Variants in AOPEP observed in about 807,000 individuals in gnomAD.
AOPEP encodes the protein aminopeptidase O.
Under a neutral mutation model 98.1 loss-of-function variants are expected in AOPEP, and 77 were observed. The observed-to-expected ratio is 0.78, with a 90% CI of 0.65 to 0.95. The LOEUF is 0.95. Ranked by LOEUF, AOPEP falls within the 40% of genes least tolerant of loss-of-function variation. The probability of loss-of-function intolerance (pLI) is 0.00; values close to 1 mark genes in which losing one functional copy is unlikely to be tolerated. For synonymous variants in AOPEP, 346 were observed against 365.3 expected, an observed-to-expected ratio of 0.95 and a Z score of 0.60; for missense variants, 1,024 against 1,024.7, an observed-to-expected ratio of 1.00 and a Z score of 0.01.
chr9:95,111,989 A>G, the AOPEP span, among the ~76,000 whole-genome samples: 1 of 152,162 alleles, frequency 6.6e-6, no homozygotes, highest in Admixed American at 6.6e-5. Flanking sequence ...GCCTTCTGAG[A>G]TGGGGAGAAA....
At chr9:94,742,077 A>G (rs1463460032) in intron 1 of AOPEP, among the ~76,000 whole-genome samples, 2 of 152,206 alleles carry the variant, frequency 1.3e-5, no homozygotes, top group Non-Finnish European at 2.9e-5. Flanking sequence ...TGACGACCAC[A>G]CAGGGAGTCT....
At chr9:95,074,963 G>T (rs558807999) in intron 14 of AOPEP, among the ~76,000 whole-genome samples, 52 of 152,360 alleles carry the variant, frequency 3.4e-4, no homozygotes, top group African/African-American at 1.3e-3. Context: ...TGTGGGTGCT[G>T]CAGGTGTCCA....
chr9:94,745,779 C>CT (rs1402215859), intron 1 of AOPEP, among the ~76,000 whole-genome samples: 3 of 152,084 alleles, frequency 2.0e-5, no homozygotes, highest in Admixed American at 6.5e-5. Context: ...TTAATGGACA[C>CT]TTAGGTTGAT....
intron 5 of AOPEP, among the ~76,000 whole-genome samples, chr9:94,848,137 T>C (rs2043080460): frequency 6.6e-6 from 1 of 152,128 alleles, no homozygotes; most frequent in Non-Finnish European, 1.5e-5. Flanking sequence ...CACCAGCATA[T>C]ACTTGGTTAA....
rs1966964 is a variant in AOPEP, at chr9:95,012,228, G to T, written c.2115+6612G>T. 4.1e-3 allele frequency among the ~76,000 whole-genome samples: 623 copies of T among 152,252 alleles called. 6 individuals are homozygous for T. Among genetic ancestry groups the T allele is most frequent in the African/African-American group, 0.014 (582 of 41,540 alleles). ...TTAGTGCAGGTTATTGACAATCCTA[G>T]ACCACCAGCATAAAGCACACATATC... On this transcript the variant is annotated intron_variant, in intron 13 of 16. Coordinates refer to ENST00000375315, the MANE Select transcript of AOPEP (RefSeq NM_001193329.3).
chr9:94,753,994 C>T (rs937026990), intron 1 of AOPEP, among the ~76,000 whole-genome samples: 2 of 152,050 alleles, frequency 1.3e-5, no homozygotes, highest in South Asian at 2.1e-4. Context: ...AGTAGGGGAA[C>T]GTATGGATAC....
the AOPEP span, among the ~76,000 whole-genome samples, chr9:95,137,818 C>T: frequency 1.3e-5 from 2 of 152,148 alleles, no homozygotes; most frequent in South Asian, 2.1e-4. Context: ...GCAGAGGACG[C>T]GTCATCAGAG....
the AOPEP span, chr9:95,124,943 T>A: frequency 4.1e-6 from 3 of 738,158 alleles, no homozygotes; most frequent in African/African-American, 5.2e-5. Flanking sequence ...GGCTTAACCT[T>A]TGTTGGGGCA....
chr9:95,107,248 C>T, the AOPEP span: 3 of 1,613,838 alleles, frequency 1.9e-6, no homozygotes, highest in African/African-American at 4.0e-5. Context: ...AGGAGGTGGC[C>T]CAGCACGGCC....
chr9:94,868,289 C>T (rs1281882802), intron 5 of AOPEP, among the ~76,000 whole-genome samples: 3 of 152,222 alleles, frequency 2.0e-5, no homozygotes, highest in African/African-American at 7.2e-5. Flanking sequence ...TAGTGCAGTT[C>T]ACCAGTTTGG....
chr9:94,770,853 C>T (rs1464331204), intron 2 of AOPEP, among the ~76,000 whole-genome samples: 1 of 152,066 alleles, frequency 6.6e-6, no homozygotes. Context: ...AGATCTGGTA[C>T]AGTATGGAAG....
downstream of AOPEP, among the ~76,000 whole-genome samples, chr9:95,089,830 T>C (rs1276490900): frequency 6.6e-6 from 1 of 152,214 alleles, no homozygotes. Context: ...TAATCAGATG[T>C]GAAGATATTA....
At chr9:95,029,114 C>T (rs1355751914) in intron 13 of AOPEP, among the ~76,000 whole-genome samples, 2 of 152,120 alleles carry the variant, frequency 1.3e-5, no homozygotes, top group Admixed American at 1.3e-4. Context: ...GCCTGGGACT[C>T]CCTAGGATGT....
intron 5 of AOPEP, among the ~76,000 whole-genome samples, chr9:94,834,027 C>G (rs1479326324): frequency 6.6e-6 from 1 of 152,148 alleles, no homozygotes; most frequent in African/African-American, 2.4e-5. Flanking sequence ...CAACCTGAAT[C>G]TGATCAAGCC....
chr9:95,042,077 C>A (rs938785612), intron 13 of AOPEP, among the ~76,000 whole-genome samples: 1 of 152,148 alleles, frequency 6.6e-6, no homozygotes, highest in African/African-American at 2.4e-5. Flanking sequence ...CTTTGGGAGG[C>A]CGAGGCGGGC....
At chr9:95,038,875 G>A (rs1222211731) in intron 13 of AOPEP, among the ~76,000 whole-genome samples, 3 of 152,156 alleles carry the variant, frequency 2.0e-5, no homozygotes, top group Non-Finnish European at 4.4e-5. Context: ...GCAGTTCTGG[G>A]GTGTGGCTTA....
rs184655468 is a variant in AOPEP at position 94,846,684 on chromosome 9, G to A, written c.1364+45682G>A. ...ACTTTCCAAGGCCGAGGTGGTGGGA[G>A]GATTGCTTGAACCCAGGAGTTCAAG... On this transcript the variant is annotated intron_variant, in intron 5 of 16. Transcript: ENST00000375315. Among the ~76,000 whole-genome samples, 19 of 152,298 alleles carry A rather than the reference G, an allele frequency of 1.2e-4. No homozygotes were observed. In the East Asian group the frequency reaches 3.1e-3, roughly 25 times the overall value.
chr9:95,134,474 T>C, the AOPEP span, among the ~76,000 whole-genome samples: 1 of 152,132 alleles, frequency 6.6e-6, no homozygotes, highest in Non-Finnish European at 1.5e-5. Context: ...GGAACTCACT[T>C]TCTCCACTTG....
At chr9:95,135,074 T>TA in the AOPEP span, among the ~76,000 whole-genome samples, 1 of 152,258 alleles carries the variant, frequency 6.6e-6, no homozygotes, top group Admixed American at 6.5e-5. Flanking sequence ...ATACTGTTTT[T>TA]AAAAAGTCTG....
Sources: gnomAD v4.1 joint callset for allele counts (sites outside exome capture counted in the v4.1 genomes callset) on GRCh38, gnomAD v4.1.1 for gene constraint, MANE v1.5 for transcripts, NCBI Gene and HGNC (gene_info 2026-07-23, HGNC 2026-07-21) for gene names.